Variants in SORCS2 observed in about 807,000 individuals in gnomAD.
The protein encoded by SORCS2 is VPS10 domain-containing receptor SorCS2.
Under a neutral mutation model 141.6 loss-of-function variants are expected in SORCS2, and 100 were observed. The observed-to-expected ratio is 0.71, with a 90% confidence interval of 0.60 to 0.83. SORCS2 has a LOEUF of 0.83. Ranked by LOEUF, SORCS2 falls within the 40% of genes least tolerant of loss-of-function variation. The pLI, the probability that SORCS2 is intolerant of heterozygous loss-of-function variation, is 0.00. For synonymous variants in SORCS2, 789 were observed against 676.9 expected, an observed-to-expected ratio of 1.17 and a Z score of -2.57; for missense variants, 1,646 against 1,560.2, an observed-to-expected ratio of 1.05 and a Z score of -0.93.
At chr4:7,588,665 C>A (rs185368403) in intron 3 of SORCS2, among the ~76,000 whole-genome samples, 1 of 152,268 alleles carries the variant, frequency 6.6e-6, no homozygotes, top group Admixed American at 6.5e-5. Context: ...CGTTTTGTAT[C>A]CTTCCTGGAA....
intron 2 of SORCS2, among the ~76,000 whole-genome samples, chr4:7,489,671 A>G (rs1053834826): frequency 6.6e-6 from 1 of 152,180 alleles, no homozygotes; most frequent in South Asian, 2.1e-4. Flanking sequence ...AAATCAATGC[A>G]TGTAATTTGT....
chr4:7,728,484 C>A, intron 22 of SORCS2, 22 bp downstream of exon 22: 1 of 1,558,276 alleles, frequency 6.4e-7, no homozygotes, highest in Non-Finnish European at 8.8e-7. Context: ...GAGCCTAGAG[C>A]CTCCCCAGCC....
intron 8 of SORCS2, among the ~76,000 whole-genome samples, chr4:7,675,073 T>A (rs7675519): frequency 6.6e-6 from 1 of 152,154 alleles, no homozygotes; most frequent in Non-Finnish European, 1.5e-5. Flanking sequence ...TGGGCCTGTC[T>A]GGACCCTTTT....
chr4:7,309,843 T>A (rs1718072806), intron 1 of SORCS2, among the ~76,000 whole-genome samples: 1 of 151,990 alleles, frequency 6.6e-6, no homozygotes, highest in African/African-American at 2.4e-5. Flanking sequence ...CAGTGAGTGC[T>A]GTGGTCGCCA....
At chr4:7,531,430 C>T (rs969637637) in intron 2 of SORCS2, 100 bp from the exon 3 acceptor site, 30 of 1,109,226 alleles carry the variant, frequency 2.7e-5, no homozygotes, top group African/African-American at 1.2e-4. Context: ...CTGGGGCACT[C>T]GGCCCGCACG....
intron 3 of SORCS2, among the ~76,000 whole-genome samples, chr4:7,579,854 T>G (rs867220432): frequency 6.6e-6 from 1 of 152,108 alleles, no homozygotes; most frequent in Non-Finnish European, 1.5e-5. Flanking sequence ...AAAGAAGTCT[T>G]CTACCTAGAG....
chr4:7,372,974 G>A (rs777910644), intron 1 of SORCS2, among the ~76,000 whole-genome samples: 18 of 150,670 alleles, frequency 1.2e-4, no homozygotes, highest in Non-Finnish European at 2.2e-4. Flanking sequence ...CTGCTGATCC[G>A]TCGCCAGCTG....
chr4:7,671,353 T>G (rs1399740730), intron 8 of SORCS2, among the ~76,000 whole-genome samples: 1 of 148,396 alleles, frequency 6.7e-6, no homozygotes, highest in Non-Finnish European at 1.5e-5. Context: ...AAAAAAAAAA[T>G]AAATTAACAT....
intron 2 of SORCS2, among the ~76,000 whole-genome samples, chr4:7,438,153 C>A (rs1260029717): frequency 6.6e-6 from 1 of 152,232 alleles, no homozygotes; most frequent in East Asian, 1.9e-4. Context: ...CCAGGTCCAG[C>A]CCCAGTCCAG....
At chr4:7,703,896 G>A (rs1055590193) in intron 13 of SORCS2, among the ~76,000 whole-genome samples, 1 of 152,230 alleles carries the variant, frequency 6.6e-6, no homozygotes, top group African/African-American at 2.4e-5. Flanking sequence ...GCCTGGCAAC[G>A]CCTAGGCCAA....
chr4:7,493,677 A>G (rs1279363769), intron 2 of SORCS2, among the ~76,000 whole-genome samples: 1 of 152,202 alleles, frequency 6.6e-6, no homozygotes, highest in Admixed American at 6.5e-5. Context: ...TTGTGGGTGC[A>G]TGTGTGTGTC....
At chr4:7,461,476 C>A (rs1023171026) in intron 2 of SORCS2, among the ~76,000 whole-genome samples, 7 of 152,228 alleles carry the variant, frequency 4.6e-5, no homozygotes, top group African/African-American at 1.7e-4. Flanking sequence ...ACCTGTAGCA[C>A]CCCCGCGAGC....
chr4:7,304,325 GT>G (rs1717640732), intron 1 of SORCS2, among the ~76,000 whole-genome samples: 1 of 152,180 alleles, frequency 6.6e-6, no homozygotes, highest in Non-Finnish European at 1.5e-5. Context: ...GCAGGTGATG[GT>G]TGGTGCTCCC....
chr4:7,343,711 G>A (rs1216744137), intron 1 of SORCS2, among the ~76,000 whole-genome samples: 2 of 152,240 alleles, frequency 1.3e-5, no homozygotes, highest in Non-Finnish European at 2.9e-5. Context: ...AGGAAGCACT[G>A]TGGCAGATGG....
chr4:7,662,864 G>A (rs926816145), intron 6 of SORCS2, among the ~76,000 whole-genome samples: 1 of 152,250 alleles, frequency 6.6e-6, no homozygotes, highest in Non-Finnish European at 1.5e-5. Flanking sequence ...CAGCCTGAGA[G>A]GTGGCCCTGG....
At chr4:7,221,970 A>G (rs931819467) in intron 1 of SORCS2, among the ~76,000 whole-genome samples, 1 of 152,184 alleles carries the variant, frequency 6.6e-6, no homozygotes, top group Non-Finnish European at 1.5e-5. Context: ...AAAACAGTGA[A>G]ACAAGTTCAG....
At chr4:7,588,342 A>T (rs1177505567) in intron 3 of SORCS2, among the ~76,000 whole-genome samples, 1 of 152,164 alleles carries the variant, frequency 6.6e-6, no homozygotes, top group African/African-American at 2.4e-5. Flanking sequence ...GTTTCGGATG[A>T]GGAGGAATGG....
intron 2 of SORCS2, among the ~76,000 whole-genome samples, chr4:7,437,215 G>C (rs566188585): frequency 6.6e-6 from 1 of 152,236 alleles, no homozygotes; most frequent in African/African-American, 2.4e-5. Flanking sequence ...TATAAACCAG[G>C]GTCCTGAGAC....
At chr4:7,668,644 A>T (rs1722634025) in intron 8 of SORCS2, among the ~76,000 whole-genome samples, 1 of 152,218 alleles carries the variant, frequency 6.6e-6, no homozygotes, top group African/African-American at 2.4e-5. Context: ...AACAAGAAAA[A>T]AATAAAAGGA....
Sources: allele counts gnomAD v4.1 joint callset (sites outside exome capture counted in the v4.1 genomes callset), GRCh38; gene constraint gnomAD v4.1.1; transcripts MANE v1.5; gene names NCBI Gene and HGNC (gene_info 2026-07-23, HGNC 2026-07-21).